The following MIOS variants were observed in gnomAD, a reference collection of about 807,000 sequenced individuals.
MIOS encodes the protein meiosis regulator for oocyte development.
A neutral mutation model predicts 96.9 loss-of-function variants in MIOS; 52 were observed. That is an observed-to-expected ratio of 0.54 (90% CI 0.43 to 0.68). MIOS has a LOEUF of 0.68. MIOS is among the 30% of genes least tolerant of loss of function. The pLI, the probability that MIOS is intolerant of heterozygous loss-of-function variation, is 0.00. For synonymous variants in MIOS, 397 were observed against 359.5 expected, an observed-to-expected ratio of 1.10 and a Z score of -1.18; for missense variants, 1,005 against 1,052.8, an observed-to-expected ratio of 0.95 and a Z score of 0.63.
chr7:7,575,464 G>A (rs554429264), intron 5 of MIOS, among the ~76,000 whole-genome samples: 1 of 152,036 alleles, frequency 6.6e-6, no homozygotes, highest in South Asian at 2.1e-4. Context: ...AATAAGTTTA[G>A]TTAGAAGCTG....
At chr7:7,595,408 T>G (rs1784175229) in intron 10 of MIOS, among the ~76,000 whole-genome samples, 1 of 152,222 alleles carries the variant, frequency 6.6e-6, no homozygotes, top group African/African-American at 2.4e-5. Flanking sequence ...ACTATTACAT[T>G]ATCTTATAAA....
At chr7:7,597,517 T>TATAAAA (rs372634070) in intron 11 of MIOS, among the ~76,000 whole-genome samples, 2,898 of 70,358 alleles carry the variant, frequency 0.041, 908 homozygotes, top group Non-Finnish European at 0.047. Context: ...TATATATATA[T>TATAAAA]GAAGGCAATA....
Position 7,608,886 on chromosome 7 carries a change from A to C in MIOS, c.*1794A>C, listed in dbSNP as rs1194860626. On this transcript the variant is annotated 3_prime_UTR_variant, in exon 13 of 13. Coordinates refer to ENST00000340080, the MANE Select transcript of MIOS (RefSeq NM_019005.4). ...AATATATGAGGGTGACATTTTTAAG[A>C]TTGTATGTATGTGTCAACCTCTTAA... 1 of 152,030 alleles carries C rather than the reference A, an allele frequency of 6.6e-6. No individual in the cohort carries two copies. The highest frequency in any genetic ancestry group is 1.9e-4 in the East Asian group (1 of 5,202). 9.4% of individuals were successfully genotyped at this position (152,030 alleles called of 1,614,324 possible).
chr7:7,576,098 C>T (rs1055816383), intron 5 of MIOS, among the ~76,000 whole-genome samples: 1 of 152,132 alleles, frequency 6.6e-6, no homozygotes. Flanking sequence ...TTAGAGCATA[C>T]AGCTAAATTT....
intron 5 of MIOS, chr7:7,582,647 C>G (rs1347439074): frequency 6.1e-6 from 6 of 977,862 alleles, no homozygotes; most frequent in Non-Finnish European, 7.3e-6. Flanking sequence ...AGGAAGAAAG[C>G]AAGATCACTT....
chr7:7,573,881 A>G lies in MIOS; in HGVS notation c.1294+112A>G. On this transcript the variant is annotated intron_variant, in intron 4 of 12. Coordinates refer to ENST00000340080, the MANE Select transcript of MIOS (RefSeq NM_019005.4). The surrounding 1 kb of genome is among the most constrained non-coding windows in gnomAD (Gnocchi z 5.0). ...AATGTTTTATATACAAATACAAGTT[A>G]CATAATACTAACATTATAAAGTAAA... 1 of 1,088,818 alleles carries G rather than the reference A, an allele frequency of 9.2e-7. No individual in the cohort carries two copies. Among genetic ancestry groups the G allele is most frequent in the Non-Finnish European group, 1.3e-6 (1 of 759,144 alleles). 67.4% of individuals were successfully genotyped at this position (1,088,818 alleles called of 1,614,324 possible). A position where few individuals can be genotyped will look rare whatever the true frequency, so the allele number is the denominator to read the frequency against.
chr7:7,573,989 A>T lies in MIOS; in HGVS notation c.1295-109A>T. 1.0e-6 allele frequency: 1 copy of T among 961,796 alleles called. No individual in the cohort carries two copies. Among genetic ancestry groups the T allele is most frequent in the East Asian group, 2.6e-5 (1 of 38,168 alleles). The allele number at this position is 961,796 out of a possible 1,614,324, so 59.6% of individuals were successfully genotyped here. The stretch of plus-strand genomic sequence containing the variant: ...AAGTGTATCTCTGCAATAGAGTCGA[A>T]CCACCTTATTTACACTGATACTTAT... On this transcript the variant is annotated intron_variant, in intron 4 of 12. Coordinates refer to ENST00000340080, the MANE Select transcript of MIOS (RefSeq NM_019005.4). This position sits in a 1 kb window ranked among gnomAD's most constrained non-coding sequence, Gnocchi z 5.0.
chr7:7,588,668 A>T, intron 8 of MIOS, 105 bp downstream of exon 8: 2 of 583,274 alleles, frequency 3.4e-6, no homozygotes, highest in Non-Finnish European at 5.3e-6. Context: ...TGATAAGCTA[A>T]TTCTTCTAAA....
intron 11 of MIOS, among the ~76,000 whole-genome samples, chr7:7,601,242 A>G (rs971561786): frequency 2.6e-5 from 4 of 152,150 alleles, no homozygotes; most frequent in Admixed American, 2.0e-4. Context: ...GGAAATAGAG[A>G]CACAAAAGAC....
In MIOS at chr7:7,573,704, G is replaced by C; in HGVS notation, c.1229G>C (p.Trp410Ser). ...TATGGACTTGATACAGAGCAGGTGT[G>C]GAGGAACCACATTTTAGCTGGAAAT... ...SRYGLDTEQV[W>S]RNHILAGNED... Residue 410 changes from tryptophan to serine, a missense_variant, in exon 4 of 13, where the codon TGG becomes TCG. Physicochemically the swap from Trp to Ser is radical, Grantham distance 177. Coordinates refer to ENST00000340080, the MANE Select transcript of MIOS (RefSeq NM_019005.4). This position sits in a 1 kb window ranked among gnomAD's most constrained non-coding sequence, Gnocchi z 5.0. 1 of 1,612,958 alleles carries C rather than the reference G, an allele frequency of 6.2e-7. No individual in the cohort carries two copies. Among genetic ancestry groups the C allele is most frequent in the Non-Finnish European group, 8.5e-7 (1 of 1,179,386 alleles).
intron 9 of MIOS, among the ~76,000 whole-genome samples, 186 bp from the exon 10 acceptor site, chr7:7,594,794 C>A (rs1047897216): frequency 6.6e-6 from 1 of 150,452 alleles, no homozygotes; most frequent in Non-Finnish European, 1.5e-5. Context: ...ATTAGTGGAA[C>A]CCAGCTTGAG....
At chr7:7,577,124 GAA>G (rs1783560960) in intron 5 of MIOS, among the ~76,000 whole-genome samples, 1 of 152,170 alleles carries the variant, frequency 6.6e-6, no homozygotes, top group Admixed American at 6.5e-5. Context: ...TTTGGAGTAA[GAA>G]AGAGATGGCT....
intron 5 of MIOS, 46 bp downstream of exon 5, chr7:7,574,242 G>C: frequency 7.0e-7 from 1 of 1,432,748 alleles, no homozygotes; most frequent in Non-Finnish European, 9.6e-7. Context: ...TATAACTTTT[G>C]TACTTTTATT....
chr7:7,578,363 C>G (rs1783603824), intron 5 of MIOS, among the ~76,000 whole-genome samples: 1 of 152,114 alleles, frequency 6.6e-6, no homozygotes, highest in Non-Finnish European at 1.5e-5. Context: ...TTTAATCCAT[C>G]ATGAAAATAA....
At chr7:7,574,227 A>G in intron 5 of MIOS, 31 bp downstream of exon 5, 1 of 1,509,680 alleles carries the variant, frequency 6.6e-7, no homozygotes, top group Non-Finnish European at 9.1e-7. Context: ...TTTCTCCAAT[A>G]TGTTTATAAC....
Position 7,607,905 on chromosome 7 carries a change from T to C in MIOS, c.*813T>C, listed in dbSNP as rs1309944643. ...TCAAAGGTTTTTCTCCATATTAATT[T>C]GTCATCTTATCCTCATCACCTGAGA... On this transcript the variant is annotated 3_prime_UTR_variant, in exon 13 of 13. Transcript: ENST00000340080. The C allele has an allele frequency of 1.3e-5, 2 of 152,180 alleles. No individual in the cohort carries two copies. Among genetic ancestry groups the C allele is most frequent in the Admixed American group, 6.6e-5 (1 of 15,246 alleles). 9.4% of individuals were successfully genotyped at this position (152,180 alleles called of 1,614,324 possible). A position where few individuals can be genotyped will look rare whatever the true frequency, so the allele number is the denominator to read the frequency against.
In MIOS at chr7:7,602,173, A is replaced by T. The variant is rs1001324163; in HGVS notation, c.2402-3769A>T. Among the ~76,000 whole-genome samples, 9 of 152,362 alleles carry T rather than the reference A, an allele frequency of 5.9e-5. No homozygotes were observed. In the South Asian group the frequency reaches 1.5e-3, roughly 25 times the overall value. ...CTTTGAAAACTGGCACAAGACAGGG[A>T]TGCCCTCTCTCACCACTCCTATTCA... On this transcript the variant is annotated intron_variant, in intron 11 of 12. Transcript: ENST00000340080.
rs138619088 is a variant in MIOS at position 7,575,523 on chromosome 7, A to G, written c.1393+1327A>G. 7.0e-3 allele frequency among the ~76,000 whole-genome samples: 1,069 copies of G among 152,266 alleles called. 9 individuals carry two copies. The highest frequency in any genetic ancestry group is 8.4e-3 in the Non-Finnish European group (573 of 67,990). On this transcript the variant is annotated intron_variant, in intron 5 of 12. Transcript: ENST00000340080. ...AGGGCACACATACTGTTTTACTCCC[A>G]CAAATGAACCTGGTACCATGGTTCA...
In MIOS at chr7:7,607,242, G is replaced by C. The variant is rs114218720; in HGVS notation, c.*150G>C. 2.7e-4 allele frequency: 158 copies of C among 574,986 alleles called. No individual in the cohort carries two copies. In the African/African-American group the frequency reaches 2.9e-3, roughly 11 times the overall value. 35.6% of individuals were successfully genotyped at this position (574,986 alleles called of 1,614,324 possible). A position where few individuals can be genotyped will look rare whatever the true frequency, so the allele number is the denominator to read the frequency against. ...TATCAGATCAGCAGTTTTGATGTTT[G>C]AGTGATTTTGATATGCTTCACAGAG... On this transcript the variant is annotated 3_prime_UTR_variant, in exon 13 of 13. Coordinates refer to ENST00000340080, the MANE Select transcript of MIOS (RefSeq NM_019005.4).
Sources: gnomAD v4.1 joint callset for allele counts (sites outside exome capture counted in the v4.1 genomes callset) on GRCh38, gnomAD v4.1.1 for gene constraint, Gnocchi (gnomAD v3.1) non-coding constraint, MANE v1.5 for transcripts, NCBI Gene and HGNC (gene_info 2026-07-23, HGNC 2026-07-21) for gene names.